CAGE1: variants seen among roughly 807,000 people sequenced by gnomAD.
CAGE1 encodes cancer-associated gene 1 protein.
In CAGE1, 66 loss-of-function variants were observed where a neutral mutation model predicts 94.9. The observed-to-expected ratio is 0.70, with a 90% CI of 0.57 to 0.85. The LOEUF (loss-of-function observed/expected upper bound fraction) is 0.85, where lower values mean the gene tolerates loss of function less well. Among genes scored for constraint, CAGE1 ranks in the 40% least tolerant of loss-of-function variants. CAGE1 has a pLI of 0.00. For synonymous variants in CAGE1, 319 were observed against 321.0 expected (o/e 0.99, Z 0.07); for missense variants, 865 against 950.4 (o/e 0.91, Z 1.18).
At chr6:7,327,137 C>T (rs1758566481) in intron 13 of CAGE1, among the ~76,000 whole-genome samples, 1 of 152,168 alleles carries the variant, frequency 6.6e-6, no homozygotes. Flanking sequence ...ACTGCAAGCT[C>T]TGCCTCCCAG....
In CAGE1 at chr6:7,353,926, C is replaced by T. The variant is rs117410512; in HGVS notation, c.2369+1115G>A. Reference sequence around the variant, plus strand: ...AAAGGCGTAAGAATGATATAATGGACTCTGGGGACTTGTGGGGAAGTGTGG... The same window carrying T: ...AAAGGCGTAAGAATGATATAATGGATTCTGGGGACTTGTGGGGAAGTGTGG... On this transcript the variant is annotated intron_variant, in intron 11 of 13. Transcript: ENST00000502583. 1.4e-3 allele frequency among the ~76,000 whole-genome samples: 207 copies of T among 151,956 alleles called. 2 individuals are homozygous for T. The East Asian group carries it at 0.038, about 28-fold the overall frequency.
intron 3 of CAGE1, among the ~76,000 whole-genome samples, chr6:7,385,415 G>A (rs1761088547): frequency 6.6e-6 from 1 of 151,856 alleles, no homozygotes; most frequent in African/African-American, 2.4e-5. Flanking sequence ...CAATCCTCCT[G>A]CCTTGGCCTT....
intron 9 of CAGE1, among the ~76,000 whole-genome samples, chr6:7,361,047 G>A (rs1760148818): frequency 1.3e-5 from 2 of 152,164 alleles, no homozygotes; most frequent in African/African-American, 4.8e-5. Context: ...AGATAGCTAA[G>A]ACCTACACTC....
chr6:7,351,288 G>A (rs1053996381), intron 11 of CAGE1, among the ~76,000 whole-genome samples: 7 of 151,960 alleles, frequency 4.6e-5, no homozygotes, highest in South Asian at 2.1e-4. Flanking sequence ...AACAAGTAGC[G>A]AGATTGAAAT....
chr6:7,331,217 G>A (rs1391654000), intron 12 of CAGE1: 2 of 370,518 alleles, frequency 5.4e-6, no homozygotes, highest in Non-Finnish European at 5.0e-6. Context: ...TAGTTTTTGG[G>A]GTCACGGTAA....
At chr6:7,349,889 CT>C (rs1759703703) in intron 11 of CAGE1, among the ~76,000 whole-genome samples, 1 of 148,452 alleles carries the variant, frequency 6.7e-6, no homozygotes. Context: ...CAAGATCTCA[CT>C]GTTGCACTCC....
chr6:7,370,634 G>T lies in CAGE1; in HGVS notation c.1747-569C>A, dbSNP rs550829535. ...TAAAAAAACAATTACCACATTTTTT[G>T]AAACAAAAAATTTGTGAAAAGAATG... On this transcript the variant is annotated intron_variant, in intron 5 of 13. Coordinates refer to ENST00000502583, the MANE Select transcript of CAGE1 (RefSeq NM_001170692.2). 9.2e-5 allele frequency among the ~76,000 whole-genome samples: 14 copies of T among 152,074 alleles called. No homozygotes were observed. The East Asian group carries it at 2.7e-3, about 29-fold the overall frequency.
intron 11 of CAGE1, chr6:7,338,814 G>A: frequency 1.1e-6 from 1 of 948,900 alleles, no homozygotes; most frequent in Non-Finnish European, 1.7e-6. Context: ...CCAGACTCCA[G>A]AATACAGCTG....
At chr6:7,355,220 C>A in intron 10 of CAGE1, 109 bp from the exon 11 acceptor site, 1 of 641,656 alleles carries the variant, frequency 1.6e-6, no homozygotes. Context: ...ATGAAAGTTT[C>A]ATAATAGGCA....
At position 7,368,818 on chromosome 6, in the gene CAGE1, A is replaced by G. The variant is rs140103527; in HGVS notation, c.1894-20T>C. 1.8e-3 allele frequency: 2,670 copies of G among 1,449,494 alleles called. 35 individuals are homozygous for G. In the African/African-American group the frequency reaches 0.035, roughly 19 times the overall value. The allele number at this position is 1,449,494 out of a possible 1,614,324, so 89.8% of individuals were successfully genotyped here. A position where few individuals can be genotyped will look rare whatever the true frequency, so the allele number is the denominator to read the frequency against. On this transcript the variant is annotated intron_variant, in intron 6 of 13. Coordinates refer to ENST00000502583, the MANE Select transcript of CAGE1 (RefSeq NM_001170692.2). ...GATGTCCTAAGGGTAAGAGTTTCAG[A>G]AGCTAGATGAAAAAGTTTTTACTAA...
At position 7,355,036 on chromosome 6, in the gene CAGE1, C is replaced by T. The variant is rs188763749; in HGVS notation, c.2369+5G>A. The T allele has an allele frequency of 1.1e-4, 176 of 1,594,012 alleles. No individual in the cohort carries two copies. The African/African-American group carries it at 2.2e-3, about 20-fold the overall frequency. Reference sequence around the variant, plus strand: ...CAAAATTAAGGATTCGTTTTTTCAACTTACTGTGCAATCTGGGAGTGGGAT... The same window carrying T: ...CAAAATTAAGGATTCGTTTTTTCAATTTACTGTGCAATCTGGGAGTGGGAT... On this transcript the variant is annotated splice_donor_5th_base_variant and intron_variant, in intron 11 of 13. Coordinates refer to ENST00000502583, the MANE Select transcript of CAGE1 (RefSeq NM_001170692.2).
intron 5 of CAGE1, among the ~76,000 whole-genome samples, chr6:7,372,468 C>CAAAAAAAAAAAAAA (rs71542850): frequency 8.7e-6 from 1 of 114,644 alleles, no homozygotes; most frequent in African/African-American, 3.1e-5. Flanking sequence ...AATACTGTCT[C>CAAAAAAAAAAAAAA]AAAAAAAAAA....
rs376464144 is a variant in CAGE1, at chr6:7,368,723, T to G, written c.1969A>C (p.Ser657Arg). The change falls in exon 7 of 14, where the codon AGC becomes CGC. Residue 657 changes from serine to arginine, a missense_variant. Ser to Arg is a moderately radical substitution (Grantham distance 110). Coordinates refer to ENST00000502583, the MANE Select transcript of CAGE1 (RefSeq NM_001170692.2). ...AAAGTTTTCTTTTTAAGATGGAGGC[T>G]CTTCAGTTTTTGCAGCATTATATCA... ...VSDIMLQKLK[S>R]LHLKKKTLDK... 74 of 1,548,494 alleles carry G rather than the reference T, an allele frequency of 4.8e-5. No homozygotes were observed. Among genetic ancestry groups the G allele is most frequent in the Non-Finnish European group, 6.2e-5 (71 of 1,145,126 alleles).
At chr6:7,335,955 TA>T (rs10717372) in intron 11 of CAGE1, among the ~76,000 whole-genome samples, 1,800 of 152,154 alleles carry the variant, frequency 0.012, 30 homozygotes, top group African/African-American at 0.04. Flanking sequence ...GCAATTAATT[TA>T]AAAAAAATGT....
rs1310830729 is a variant in CAGE1 at position 7,352,302 on chromosome 6, A to AC, written c.2369+2738_2369+2739insG. On this transcript the variant is annotated intron_variant, in intron 11 of 13. Coordinates refer to ENST00000502583, the MANE Select transcript of CAGE1 (RefSeq NM_001170692.2). ...TTTACAATAGCTGCAAAAAAAAAAAAAAACAAAAAAAAACAAAAAAAAAAA... is the reference window on the plus strand; with the variant it reads ...TTTACAATAGCTGCAAAAAAAAAAAACAAACAAAAAAAAACAAAAAAAAAAA... Among the ~76,000 whole-genome samples, 229 of 102,004 alleles carry AC rather than the reference A, an allele frequency of 2.2e-3. 2 individuals are homozygous for AC. Among genetic ancestry groups the AC allele is most frequent in the East Asian group, 7.7e-3 (21 of 2,738 alleles). The allele number at this position is 102,004 out of a possible 152,430, so 66.9% of individuals were successfully genotyped here. A position where few individuals can be genotyped will look rare whatever the true frequency, so the allele number is the denominator to read the frequency against.
In CAGE1 at chr6:7,389,593, C is replaced by T; in HGVS notation, c.-415G>A. On this transcript the variant is annotated 5_prime_UTR_variant, in exon 1 of 14. Transcript: ENST00000502583. ...ACAGCCTGTGGGCTAGCTGGCGCCT[C>T]CTGCCGCAGTAAACACAAAGTGGGG... 1 of 335,866 alleles carries T rather than the reference C, an allele frequency of 3.0e-6. No individual in the cohort carries two copies. Among genetic ancestry groups the T allele is most frequent in the East Asian group, 7.4e-5 (1 of 13,474 alleles). The allele number at this position is 335,866 out of a possible 1,614,324, so 20.8% of individuals were successfully genotyped here. A position where few individuals can be genotyped will look rare whatever the true frequency, so the allele number is the denominator to read the frequency against.
At chr6:7,335,398 G>T (rs1351199061) in intron 11 of CAGE1, among the ~76,000 whole-genome samples, 1 of 152,146 alleles carries the variant, frequency 6.6e-6, no homozygotes, top group East Asian at 1.9e-4. Context: ...AAACTCAAAC[G>T]CCTGTAGAAG....
intron 11 of CAGE1, among the ~76,000 whole-genome samples, chr6:7,350,951 C>G (rs1340313246): frequency 1.3e-5 from 2 of 151,736 alleles, no homozygotes; most frequent in African/African-American, 4.8e-5. Flanking sequence ...AAATACAATA[C>G]AAAGATAAAT....
At chr6:7,333,651 T>TATATATATATATAC (rs1281527022) in intron 12 of CAGE1, among the ~76,000 whole-genome samples, 2 of 98,246 alleles carry the variant, frequency 2.0e-5, no homozygotes, top group African/African-American at 1.0e-4. Context: ...TCTATATATA[T>TATATATATATATAC]ATATATATAT....
Sources: allele counts gnomAD v4.1 joint callset (sites outside exome capture counted in the v4.1 genomes callset), GRCh38; gene constraint gnomAD v4.1.1; transcripts MANE v1.5; gene names NCBI Gene and HGNC (gene_info 2026-07-23, HGNC 2026-07-21).